The following REPS2 variants were observed in gnomAD, a reference collection of about 807,000 sequenced individuals.
The protein encoded by REPS2 is RALBP1 associated Eps domain containing 2, also known as ralBP1-associated Eps domain-containing protein 2.
Under a neutral mutation model 53.6 loss-of-function variants are expected in REPS2, and 23 were observed. The observed-to-expected ratio is 0.43, with a 90% CI of 0.31 to 0.61. REPS2 has a LOEUF of 0.61. Among genes scored for constraint, REPS2 ranks in the 20% least tolerant of loss-of-function variants. The probability of loss-of-function intolerance (pLI) is 0.11; values close to 1 mark genes in which losing one functional copy is unlikely to be tolerated. For synonymous variants in REPS2, 238 were observed against 218.6 expected (o/e 1.09, Z -0.78); for missense variants, 446 against 534.9 (o/e 0.83, Z 1.64).
At chrX:17,134,214 C>G (rs750509554) in intron 15 of REPS2, among the ~76,000 whole-genome samples, 2 of 111,515 alleles carry the variant, frequency 1.8e-5, no homozygotes, top group African/African-American at 6.5e-5. Context: ...TTAGCAAAAC[C>G]CCATCCACCT....
intron 13 of REPS2, among the ~76,000 whole-genome samples, chrX:17,090,545 G>C (rs373332361): frequency 1.8e-5 from 2 of 111,996 alleles, no homozygotes; most frequent in East Asian, 5.6e-4. Context: ...AACCATGTCA[G>C]ATGTCTACTC....
intron 14 of REPS2, among the ~76,000 whole-genome samples, chrX:17,113,156 C>G (rs2062998973): frequency 1.3e-5 from 1 of 79,658 alleles, no homozygotes; most frequent in Non-Finnish European, 2.4e-5. Context: ...CCAAAGCTAG[C>G]AGGACAGAAA....
At chrX:16,970,866 C>G (rs1285420528) in intron 1 of REPS2, among the ~76,000 whole-genome samples, 2 of 112,582 alleles carry the variant, frequency 1.8e-5, no homozygotes, top group Non-Finnish European at 3.8e-5. Flanking sequence ...TATGGCTATA[C>G]CACATTTTAT....
chrX:17,076,740 G>A (rs920899473), intron 12 of REPS2, among the ~76,000 whole-genome samples: 1 of 111,947 alleles, frequency 8.9e-6, no homozygotes, highest in East Asian at 2.8e-4. Context: ...GGAAAGACAA[G>A]CTAGACCCCT....
intron 1 of REPS2, among the ~76,000 whole-genome samples, chrX:16,986,670 C>G (rs1378011637): frequency 1.3e-4 from 15 of 111,252 alleles, no homozygotes; most frequent in Non-Finnish European, 2.8e-4. Flanking sequence ...TAGAAGTGAC[C>G]TCACTAGAAG....
chrX:17,113,091 CAAAAAAA>C (rs10567369), intron 14 of REPS2, among the ~76,000 whole-genome samples: 21 of 13,560 alleles, frequency 1.5e-3, no homozygotes, highest in South Asian at 7.0e-3. Flanking sequence ...GACTCTGTCT[CAAAAAAA>C]AAAAAAAAAA....
At chrX:17,174,057 G>C in the REPS2 span, among the ~76,000 whole-genome samples, 1 of 110,583 alleles carries the variant, frequency 9.0e-6, no homozygotes, top group Non-Finnish European at 1.9e-5. Flanking sequence ...AAAGAATTGA[G>C]TTACTTCATC....
At chrX:17,081,152 A>T (rs1037614436) in intron 13 of REPS2, among the ~76,000 whole-genome samples, 1 of 112,370 alleles carries the variant, frequency 8.9e-6, no homozygotes, top group Non-Finnish European at 1.9e-5. Flanking sequence ...AGATAAAATG[A>T]AGCCCTTGTT....
At chrX:17,193,086 G>A in the REPS2 span, among the ~76,000 whole-genome samples, 5 of 112,261 alleles carry the variant, frequency 4.5e-5, no homozygotes, top group African/African-American at 1.6e-4. Context: ...TCCCTTGGTG[G>A]GCATATGCAT....
At chrX:17,016,436 C>T (rs752455306) in intron 2 of REPS2, among the ~76,000 whole-genome samples, 3 of 112,241 alleles carry the variant, frequency 2.7e-5, no homozygotes, top group Non-Finnish European at 3.8e-5. Context: ...GACAGAGTCT[C>T]ACTCTTGTCA....
intron 13 of REPS2, among the ~76,000 whole-genome samples, chrX:17,080,930 G>A (rs1274008973): frequency 9.0e-6 from 1 of 111,176 alleles, no homozygotes; most frequent in Non-Finnish European, 1.9e-5. Context: ...GAATGTGAGG[G>A]TGGCCATGGG....
intron 14 of REPS2, among the ~76,000 whole-genome samples, chrX:17,105,143 T>TA (rs2062856981): frequency 9.0e-6 from 1 of 111,003 alleles, no homozygotes; most frequent in South Asian, 3.8e-4. Context: ...ATCTGTCTCC[T>TA]AAAGGCTCCT....
intron 12 of REPS2, among the ~76,000 whole-genome samples, chrX:17,076,198 G>T (rs1184727501): frequency 8.9e-6 from 1 of 112,097 alleles, no homozygotes; most frequent in Non-Finnish European, 1.9e-5. Context: ...GGGTTTAATA[G>T]TAACTGATAT....
At chrX:17,015,322 T>C (rs1246065947) in intron 2 of REPS2, among the ~76,000 whole-genome samples, 1 of 112,772 alleles carries the variant, frequency 8.9e-6, no homozygotes, top group East Asian at 2.7e-4. Flanking sequence ...ACCTTATTGA[T>C]TTAGTAGGAC....
chrX:17,153,493 A>G (rs1175673247), downstream of REPS2, among the ~76,000 whole-genome samples: 1 of 111,756 alleles, frequency 8.9e-6, no homozygotes, highest in African/African-American at 3.3e-5. Context: ...CTCACAGTGC[A>G]TTTTAAAGAT....
chrX:17,088,030 T>G lies in REPS2; in HGVS notation c.1516+10623T>G, dbSNP rs189596084. Among the ~76,000 whole-genome samples, 29 of 110,657 alleles carry G rather than the reference T, an allele frequency of 2.6e-4. No homozygotes were observed. The East Asian group carries it at 7.7e-3, about 29-fold the overall frequency. ...AGGTAGAAGAGAGCCAGTTCCAAGA[T>G]GATAGACTGTTTTTATAGATTGCCT... On this transcript the variant is annotated intron_variant, in intron 13 of 17. Coordinates refer to ENST00000357277, the MANE Select transcript of REPS2 (RefSeq NM_004726.3).
chrX:17,191,240 G>T, the REPS2 span, among the ~76,000 whole-genome samples: 103 of 111,432 alleles, frequency 9.2e-4, 1 homozygote, highest in African/African-American at 3.2e-3. Flanking sequence ...AATATACAAA[G>T]AACTCTCCAA....
At chrX:17,120,804 T>C (rs1445006145) in intron 14 of REPS2, among the ~76,000 whole-genome samples, 2 of 111,952 alleles carry the variant, frequency 1.8e-5, no homozygotes, top group African/African-American at 6.5e-5. Context: ...CTATAAATAA[T>C]GGAAATGTGA....
At chrX:17,134,224 T>C (rs1206686040) in intron 15 of REPS2, among the ~76,000 whole-genome samples, 1 of 111,836 alleles carries the variant, frequency 8.9e-6, no homozygotes, top group Non-Finnish European at 1.9e-5. Flanking sequence ...CCCATCCACC[T>C]GCTAAGCCTC....
Sources: gnomAD v4.1 joint callset for allele counts (sites outside exome capture counted in the v4.1 genomes callset) on GRCh38, gnomAD v4.1.1 for gene constraint, MANE v1.5 for transcripts, NCBI Gene and HGNC (gene_info 2026-07-23, HGNC 2026-07-21) for gene names.